The following RAB27A variants were observed in gnomAD, a reference collection of about 807,000 sequenced individuals.
RAB27A encodes RAB27A, member RAS oncogene family.
A neutral mutation model predicts 20.8 loss-of-function variants in RAB27A; 17 were observed. That is an observed-to-expected ratio of 0.82 (90% confidence interval 0.56 to 1.23). The LOEUF (loss-of-function observed/expected upper bound fraction) is 1.23. Among genes scored for constraint, RAB27A ranks in the 50% most tolerant of loss-of-function variants. The pLI is 0.00. For missense variants in RAB27A, 277 were observed against 266.7 expected (o/e 1.04, Z -0.27); for synonymous variants, 85 against 92.8 (o/e 0.92, Z 0.48).
At chr15:55,257,867 C>T (rs937785049) in intron 2 of RAB27A, among the ~76,000 whole-genome samples, 1 of 152,034 alleles carries the variant, frequency 6.6e-6, no homozygotes, top group South Asian at 2.1e-4. Context: ...CAGGTGGGCA[C>T]CTATAATCCC....
intron 2 of RAB27A, among the ~76,000 whole-genome samples, chr15:55,258,213 T>C (rs1897152527): frequency 6.6e-6 from 1 of 152,140 alleles, no homozygotes; most frequent in South Asian, 2.1e-4. Flanking sequence ...ATTACCCTTA[T>C]CTAATTACTT....
At chr15:55,288,308 G>A (rs1444066121) in intron 1 of RAB27A, among the ~76,000 whole-genome samples, 1 of 152,094 alleles carries the variant, frequency 6.6e-6, no homozygotes, top group African/African-American at 2.4e-5. Flanking sequence ...ATCACTTGAG[G>A]TCAGGAGTTC....
At chr15:55,214,425 G>A (rs1181042873) in intron 6 of RAB27A, among the ~76,000 whole-genome samples, 2 of 152,180 alleles carry the variant, frequency 1.3e-5, no homozygotes. Context: ...GACAGAGCGA[G>A]ACTCCGTCTC....
In RAB27A at chr15:55,228,617, T is replaced by C; in HGVS notation, c.335A>G (p.Asn112Ser). 1.3e-6 allele frequency: 2 copies of C among 1,597,660 alleles called. No individual in the cohort carries two copies. The highest frequency in any genetic ancestry group is 1.7e-6 in the Non-Finnish European group (2 of 1,165,000). ...TNEQSFLNVR[N>S]WISQLQMHAY... is the part of the protein sequence containing the mutation. Reference sequence around the variant, plus strand: ...GGAACAATAACACTTACTTATCCAGTTTCTGACATTGAGGAAACTTTGCTC... The same window carrying C: ...GGAACAATAACACTTACTTATCCAGCTTCTGACATTGAGGAAACTTTGCTC... The change falls in exon 5 of 7, where the codon AAC becomes AGC. Residue 112 changes from asparagine (N) to serine (S), a missense_variant. Asn to Ser is a conservative substitution (Grantham distance 46, BLOSUM62 1). Coordinates refer to ENST00000336787, the MANE Select transcript of RAB27A (RefSeq NM_183235.3).
At position 55,318,990 on chromosome 15, in the gene RAB27A, G is replaced by C. The variant is rs748861692; in HGVS notation, c.-293C>G. 3.2e-5 allele frequency: 14 copies of C among 441,554 alleles called. No individual in the cohort carries two copies. The Middle Eastern group carries it at 2.4e-3, about 77-fold the overall frequency. 27.4% of individuals were successfully genotyped at this position (441,554 alleles called of 1,614,324 possible). A position where few individuals can be genotyped will look rare whatever the true frequency, so the allele number is the denominator to read the frequency against. On this transcript the variant is annotated 5_prime_UTR_variant, in exon 1 of 6. Coordinates refer to the RAB27A transcript ENST00000563262. ...ACTCGCTACCGCCTGCTCCCCTCCA[G>C]AGACCGGGGGCCTTCCAGCAGTTTT...
At chr15:55,271,362 T>A (rs902134148) in intron 1 of RAB27A, among the ~76,000 whole-genome samples, 7 of 152,248 alleles carry the variant, frequency 4.6e-5, no homozygotes, top group African/African-American at 1.4e-4. Context: ...TAGGAACTTA[T>A]TAGATTTGCA....
chr15:55,274,099 T>G (rs148112454), intron 1 of RAB27A, among the ~76,000 whole-genome samples: 85 of 152,296 alleles, frequency 5.6e-4, no homozygotes, highest in African/African-American at 2.0e-3. Context: ...GGAAGAAAAC[T>G]GAAAAATTCA....
At chr15:55,288,321 G>A (rs1034616171) in intron 1 of RAB27A, among the ~76,000 whole-genome samples, 1 of 152,032 alleles carries the variant, frequency 6.6e-6, no homozygotes, top group East Asian at 1.9e-4. Context: ...AGGAGTTCAA[G>A]ACCAGCCTGG....
chr15:55,290,757 G>A (rs1282765619), upstream of RAB27A, among the ~76,000 whole-genome samples: 2 of 152,242 alleles, frequency 1.3e-5, no homozygotes, highest in African/African-American at 2.4e-5. Context: ...CAGTGGCCAG[G>A]AGGTGTGAAC....
intron 2 of RAB27A, among the ~76,000 whole-genome samples, chr15:55,308,649 T>A (rs2055007895): frequency 6.6e-6 from 1 of 152,236 alleles, no homozygotes; most frequent in South Asian, 2.1e-4. Flanking sequence ...TTATGTTCTA[T>A]CTTTTCTTCA....
chr15:55,222,455 C>A (rs920268863), intron 6 of RAB27A, among the ~76,000 whole-genome samples: 1 of 152,196 alleles, frequency 6.6e-6, no homozygotes, highest in Admixed American at 6.5e-5. Flanking sequence ...TTCCTCCCTC[C>A]CCACCTATAG....
chr15:55,283,161 C>T (rs1898060519), intron 1 of RAB27A, among the ~76,000 whole-genome samples: 1 of 152,112 alleles, frequency 6.6e-6, no homozygotes, highest in South Asian at 2.1e-4. Context: ...GGGGGCTCTC[C>T]TGTGTACTGA....
intron 2 of RAB27A, among the ~76,000 whole-genome samples, chr15:55,241,626 G>GTGTATATATATATATATA (rs1566915387): frequency 1.9e-5 from 2 of 107,276 alleles, no homozygotes; most frequent in African/African-American, 1.2e-4. Context: ...ATATATATAT[G>GTGTATATATATATATATA]TGTGTATATA....
intron 1 of RAB27A, among the ~76,000 whole-genome samples, chr15:55,276,036 G>A (rs1000109343): frequency 6.6e-6 from 1 of 151,602 alleles, no homozygotes; most frequent in South Asian, 2.1e-4. Context: ...AAAACATTAT[G>A]GAGCTTCTTT....
In RAB27A at chr15:55,204,304, G is replaced by C. The variant is rs1464080890; in HGVS notation, c.*1203C>G. The C allele has an allele frequency of 6.6e-6, 1 of 152,152 alleles. No individual in the cohort carries two copies. Among genetic ancestry groups the C allele is most frequent in the Non-Finnish European group, 1.5e-5 (1 of 68,018 alleles). The allele number at this position is 152,152 out of a possible 1,614,324, so 9.4% of individuals were successfully genotyped here. Reference sequence around the variant, plus strand: ...ATGAAGACACTTTGGCAATGCAGCGGAATAAATGATCTTGGCAAGACCCAG... The same window carrying C: ...ATGAAGACACTTTGGCAATGCAGCGCAATAAATGATCTTGGCAAGACCCAG... On this transcript the variant is annotated 3_prime_UTR_variant, in exon 7 of 7. Transcript: ENST00000336787.
chr15:55,310,042 G>A (rs373564279), intron 2 of RAB27A, among the ~76,000 whole-genome samples: 6 of 152,122 alleles, frequency 3.9e-5, no homozygotes, highest in South Asian at 2.1e-4. Flanking sequence ...GACAACAAAC[G>A]GGTGTTCCTT....
intron 2 of RAB27A, among the ~76,000 whole-genome samples, chr15:55,247,713 G>A (rs1181300411): frequency 4.6e-5 from 7 of 152,140 alleles, no homozygotes; most frequent in Non-Finnish European, 1.0e-4. Flanking sequence ...AGCCAGACGT[G>A]TTAAACATGA....
rs533668191 is a variant in RAB27A, at chr15:55,269,828, C to T, written c.-23+337G>A. ...ATAAGCTTGAATTTTTGTCAAACAACCCTCAGAGGATAAGCAAGACTCTCA... is the reference window on the plus strand; with the variant it reads ...ATAAGCTTGAATTTTTGTCAAACAATCCTCAGAGGATAAGCAAGACTCTCA... On this transcript the variant is annotated intron_variant, in intron 2 of 6. Coordinates refer to ENST00000336787, the MANE Select transcript of RAB27A (RefSeq NM_183235.3). 2.0e-5 allele frequency: 3 copies of T among 152,234 alleles called. No individual in the cohort carries two copies. The South Asian group carries it at 6.2e-4, about 32-fold the overall frequency. The allele number at this position is 152,234 out of a possible 1,614,324, so 9.4% of individuals were successfully genotyped here.
chr15:55,285,860 T>C (rs987495798), intron 1 of RAB27A, among the ~76,000 whole-genome samples: 3 of 152,218 alleles, frequency 2.0e-5, no homozygotes, highest in Non-Finnish European at 2.9e-5. Flanking sequence ...ACCCTGGAGA[T>C]AGGCACTGAA....
Sources: gnomAD v4.1 joint callset for allele counts (sites outside exome capture counted in the v4.1 genomes callset) on GRCh38, gnomAD v4.1.1 for gene constraint, MANE v1.5 for transcripts, NCBI Gene and HGNC (gene_info 2026-07-23, HGNC 2026-07-21) for gene names.